The following NHS variants were observed in gnomAD, a reference collection of about 807,000 sequenced individuals.
NHS encodes the protein actin remodeling regulator NHS.
A neutral mutation model predicts 72.5 loss-of-function variants in NHS; 5 were observed. The ratio of observed to expected loss-of-function variants is 0.07; its 90% CI spans 0.04 to 0.14. The LOEUF (loss-of-function observed/expected upper bound fraction) is 0.14. Ranked by LOEUF, NHS falls within the 10% of genes least tolerant of loss-of-function variation. The probability of loss-of-function intolerance (pLI) is 1.00; values close to 1 mark genes in which losing one functional copy is unlikely to be tolerated. For missense variants in NHS, 1,072 were observed against 1,355.7 expected (o/e 0.79, Z 3.29); for synonymous variants, 464 against 547.7 (o/e 0.85, Z 2.13).
At chrX:17,398,711 A>T (rs1224970657) in intron 1 of NHS, among the ~76,000 whole-genome samples, 1 of 111,850 alleles carries the variant, frequency 8.9e-6, no homozygotes, top group Admixed American at 9.5e-5. Flanking sequence ...GGTGTTGGCC[A>T]GAGTAATTGG....
At chrX:17,600,062 C>A (rs933588582) in intron 1 of NHS, among the ~76,000 whole-genome samples, 1 of 111,525 alleles carries the variant, frequency 9.0e-6, no homozygotes, top group Non-Finnish European at 1.9e-5. Flanking sequence ...GTCTAGGGGG[C>A]ATATCATTTT....
chrX:17,564,969 A>ATT lies in NHS; in HGVS notation c.566-122765_566-122764dup, dbSNP rs201932159. Among the ~76,000 whole-genome samples the ATT allele has an allele frequency of 1.2e-3, 116 of 99,928 alleles. 2 individuals are homozygous for ATT. The highest frequency in any genetic ancestry group is 5.1e-3 in the African/African-American group (112 of 21,764). The allele number at this position is 99,928 out of a possible 115,157, so 86.8% of individuals were successfully genotyped here. On this transcript the variant is annotated intron_variant, in intron 1 of 8. Coordinates refer to ENST00000676302, the MANE Select transcript of NHS (RefSeq NM_001291867.2). ...CCTGTGGCAAATTGGGTACAGCCAC[A>ATT]TTTTTTTTTATTTATTTTTTTTTTT...
intron 5 of NHS, 87 bp downstream of exon 5, chrX:17,721,720 C>A: frequency 1.2e-6 from 1 of 838,906 alleles, no homozygotes; most frequent in Admixed American, 3.1e-5. Flanking sequence ...CTAAGAATAC[C>A]ATTTTGTAAA....
At chrX:17,509,640 T>G (rs949845391) in intron 1 of NHS, among the ~76,000 whole-genome samples, 4 of 112,395 alleles carry the variant, frequency 3.6e-5, no homozygotes, top group African/African-American at 1.3e-4. Flanking sequence ...GCTTTATAAC[T>G]TGCATCTCCA....
At position 17,549,147 on chromosome X, in the gene NHS, A is replaced by AG. The variant is rs201081784; in HGVS notation, c.566-138595_566-138594insG. On this transcript the variant is annotated intron_variant, in intron 1 of 8. Coordinates refer to ENST00000676302, the MANE Select transcript of NHS (RefSeq NM_001291867.2). ...TAGGCCCCTCATTAAAAAAAAAAAAAAAAGAAAGAAAATGAAAGCTAGGCT... is the reference window on the plus strand; with the variant it reads ...TAGGCCCCTCATTAAAAAAAAAAAAAGAAAGAAAGAAAATGAAAGCTAGGCT... Among the ~76,000 whole-genome samples the AG allele has an allele frequency of 7.3e-3, 764 of 105,362 alleles. 6 individuals carry two copies. Among genetic ancestry groups the AG allele is most frequent in the African/African-American group, 0.026 (741 of 28,483 alleles). 91.5% of individuals were successfully genotyped at this position (105,362 alleles called of 115,157 possible).
At chrX:17,720,707 C>T (rs1475517819) in intron 4 of NHS, among the ~76,000 whole-genome samples, 1 of 112,055 alleles carries the variant, frequency 8.9e-6, no homozygotes, top group East Asian at 2.8e-4. Flanking sequence ...GGAAAAGTCT[C>T]GCACCACAAA....
chrX:17,724,590 T>C lies in NHS; in HGVS notation c.1240+160T>C, dbSNP rs765505841. ...AAGCCAGGTGGTATTACTTTTTAAC[T>C]CTTTATTCTTGACTGTGAAGATTTG... is the stretch of plus-strand genomic sequence containing the variant. On this transcript the variant is annotated intron_variant, in intron 6 of 8. Coordinates refer to ENST00000676302, the MANE Select transcript of NHS (RefSeq NM_001291867.2). Among the ~76,000 whole-genome samples the C allele has an allele frequency of 6.2e-5, 7 of 112,555 alleles. No individual in the cohort carries two copies. In the East Asian group the frequency reaches 1.7e-3, roughly 27 times the overall value.
At position 17,456,302 on chromosome X, in the gene NHS, G is replaced by T. The variant is rs1222275351; in HGVS notation, c.565+79980G>T. ...CCATTTGTTCATCTAGAAGAGTCTG[G>T]GTTATTGGTTTATAAAAATTTGCCC... On this transcript the variant is annotated intron_variant, in intron 1 of 8. Transcript: ENST00000676302. Among the ~76,000 whole-genome samples the T allele has an allele frequency of 2.7e-5, 3 of 111,396 alleles. No individual in the cohort carries two copies. The East Asian group carries it at 8.5e-4, about 32-fold the overall frequency.
At chrX:17,636,646 A>C (rs915637777) in intron 1 of NHS, among the ~76,000 whole-genome samples, 3 of 112,084 alleles carry the variant, frequency 2.7e-5, no homozygotes, top group Non-Finnish European at 5.6e-5. Flanking sequence ...CCCAACAGCT[A>C]CCAACACCGT....
At chrX:17,438,913 A>T (rs1601707201) in intron 1 of NHS, among the ~76,000 whole-genome samples, 1 of 110,016 alleles carries the variant, frequency 9.1e-6, no homozygotes, top group East Asian at 2.9e-4. Context: ...GCTTCTCTAG[A>T]CCCAGGGAAG....
chrX:17,468,105 A>G (rs1430168757), intron 1 of NHS, among the ~76,000 whole-genome samples: 1 of 111,706 alleles, frequency 9.0e-6, no homozygotes, highest in Non-Finnish European at 1.9e-5. Flanking sequence ...GAGAAAGGAA[A>G]CAAAGCCATG....
chrX:17,539,840 G>A (rs2065254035), intron 1 of NHS, among the ~76,000 whole-genome samples: 1 of 111,802 alleles, frequency 8.9e-6, no homozygotes, highest in Admixed American at 9.5e-5. Context: ...TCTGGCCAGT[G>A]GGCTTTCAGT....
chrX:17,545,035 G>T (rs928145423), intron 1 of NHS, among the ~76,000 whole-genome samples: 1 of 112,445 alleles, frequency 8.9e-6, no homozygotes, highest in Admixed American at 9.4e-5. Context: ...AGGACTGCTT[G>T]TAATCATGTG....
Position 17,635,331 on chromosome X carries a change from G to C in NHS, c.566-52411G>C, listed in dbSNP as rs2065840059. 2.1e-5 allele frequency: 23 copies of C among 1,091,481 alleles called. 1 individual carries two copies. The East Asian group carries it at 7.8e-4, about 37-fold the overall frequency. The allele number at this position is 1,091,481 out of a possible 1,213,427, so 90.0% of individuals were successfully genotyped here. A position where few individuals can be genotyped will look rare whatever the true frequency, so the allele number is the denominator to read the frequency against. On this transcript the variant is annotated intron_variant, in intron 1 of 8. Coordinates refer to ENST00000676302, the MANE Select transcript of NHS (RefSeq NM_001291867.2). ...CAAGTGAACCCTGGAGGGATTAGCA[G>C]CCAGCCTAGCACTTGGGTGAGACCA...
At chrX:17,531,920 C>T (rs1601750183) in intron 1 of NHS, among the ~76,000 whole-genome samples, 1 of 112,253 alleles carries the variant, frequency 8.9e-6, no homozygotes, top group Non-Finnish European at 1.9e-5. Context: ...GCTTTTTGCC[C>T]TATGCAGTTA....
At chrX:17,467,152 C>A (rs1203146391) in intron 1 of NHS, among the ~76,000 whole-genome samples, 1 of 111,750 alleles carries the variant, frequency 8.9e-6, no homozygotes, top group Non-Finnish European at 1.9e-5. Flanking sequence ...TCTGCTCTAC[C>A]ATTTTTTAAA....
chrX:17,467,972 T>G (rs1484003266), intron 1 of NHS, among the ~76,000 whole-genome samples: 1 of 112,150 alleles, frequency 8.9e-6, no homozygotes, highest in Non-Finnish European at 1.9e-5. Context: ...CACATGATTA[T>G]AAATAATCAT....
chrX:17,694,057 CATG>C (rs1302533057), intron 3 of NHS, among the ~76,000 whole-genome samples: 1 of 112,000 alleles, frequency 8.9e-6, no homozygotes, highest in African/African-American at 3.2e-5. Flanking sequence ...AACCCTTTCT[CATG>C]ATCTGCATAA....
chrX:17,711,672 T>G (rs1339983576), intron 3 of NHS, among the ~76,000 whole-genome samples: 1 of 111,823 alleles, frequency 8.9e-6, no homozygotes, highest in Non-Finnish European at 1.9e-5. Context: ...CTTTGCTCAC[T>G]AGGGACAGTT....
Sources: allele counts gnomAD v4.1 joint callset (sites outside exome capture counted in the v4.1 genomes callset), GRCh38; gene constraint gnomAD v4.1.1; transcripts MANE v1.5; gene names NCBI Gene and HGNC (gene_info 2026-07-23, HGNC 2026-07-21).